MAP4: variants seen among roughly 807,000 people sequenced by gnomAD.
MAP4 encodes microtubule associated protein 4, also known as microtubule-associated protein 4.
A neutral mutation model predicts 170.2 loss-of-function variants in MAP4; 76 were observed. The ratio of observed to expected loss-of-function variants is 0.45; its 90% CI spans 0.37 to 0.54. The LOEUF (loss-of-function observed/expected upper bound fraction) is 0.54. Among genes scored for constraint, MAP4 ranks in the 20% least tolerant of loss-of-function variants. The probability of loss-of-function intolerance (pLI) is 0.00; values close to 1 mark genes in which losing one functional copy is unlikely to be tolerated. For synonymous variants in MAP4, 909 were observed against 994.5 expected, an observed-to-expected ratio of 0.91 and a Z score of 1.62; for missense variants, 2,506 against 2,748.0, an observed-to-expected ratio of 0.91 and a Z score of 1.97.
At chr3:47,891,478 G>A (rs1424238486) in intron 10 of MAP4, 1 of 1,519,198 alleles carries the variant, frequency 6.6e-7, no homozygotes, top group Admixed American at 2.0e-5. Flanking sequence ...TAGGCATTGG[G>A]CTACTAGGGG....
At chr3:47,979,264 A>T (rs959388791) in intron 2 of MAP4, among the ~76,000 whole-genome samples, 1 of 150,860 alleles carries the variant, frequency 6.6e-6, no homozygotes, top group Non-Finnish European at 1.5e-5. Context: ...ATCACCTAAT[A>T]ATTAGGTAAT....
Position 47,917,099 on chromosome 3 carries a change from A to G in MAP4, c.728T>C (p.Met243Thr), listed in dbSNP as rs1400609812. The change falls in exon 7 of 21, where the codon ATG (methionine) becomes ACG (threonine). Residue 243 changes from methionine (M) to threonine (T), a missense_variant. This residue lies in a region of MAP4 where 2,008 missense variants were observed against 2,206.0 expected (regional missense o/e 0.91). Coordinates refer to ENST00000683076, the MANE Select transcript of MAP4 (RefSeq NM_001385682.1). Reference sequence around the variant, plus strand: ...TGCCATGTCAGTAGTCTTCAGTCCCATCATTATTTCCAATGCTTGTGCTGG... The same window carrying G: ...TGCCATGTCAGTAGTCTTCAGTCCCGTCATTATTTCCAATGCTTGTGCTGG... ...RPPAQALEIM[M>T]GLKTTDMAPS... 6.2e-7 allele frequency: 1 copy of G among 1,614,130 alleles called. No homozygotes were observed. The highest frequency in any genetic ancestry group is 8.5e-7 in the Non-Finnish European group (1 of 1,180,000).
intron 1 of MAP4, among the ~76,000 whole-genome samples, chr3:48,062,494 T>TA (rs1156947592): frequency 0.51 from 42,168 of 81,994 alleles, 11,427 homozygotes; most frequent in Non-Finnish European, 0.6. Flanking sequence ...GAATGATCAA[T>TA]AAAAAAAAAA....
At chr3:47,912,882 G>A (rs2100036675) in intron 8 of MAP4, among the ~76,000 whole-genome samples, 1 of 151,984 alleles carries the variant, frequency 6.6e-6, no homozygotes, top group Non-Finnish European at 1.5e-5. Context: ...CTAAGACTAG[G>A]TCACCAATAT....
chr3:47,969,835 G>T (rs577114409), intron 3 of MAP4, among the ~76,000 whole-genome samples: 3 of 151,924 alleles, frequency 2.0e-5, no homozygotes, highest in South Asian at 4.2e-4. Context: ...ACTCCAGCCT[G>T]GGCGACAGAG....
intron 3 of MAP4, chr3:47,973,873 CAAGAG>C (rs2100080313): frequency 8.1e-6 from 8 of 985,020 alleles, no homozygotes; most frequent in Non-Finnish European, 9.6e-6. Context: ...TTCTCTATGG[CAAGAG>C]AGTTTTAATA....
chr3:48,041,371 C>T (rs4858876), intron 1 of MAP4, among the ~76,000 whole-genome samples: 93,948 of 151,774 alleles, frequency 0.62, 29,957 homozygotes, highest in East Asian at 0.72. Context: ...CTTGGCCTCC[C>T]AAAGTGCTGA....
At chr3:47,952,720 C>T (rs2100065242) in intron 3 of MAP4, among the ~76,000 whole-genome samples, 1 of 151,080 alleles carries the variant, frequency 6.6e-6, no homozygotes, top group Admixed American at 6.6e-5. Context: ...ATCAGGAGTT[C>T]GAGACCAGCC....
At chr3:48,078,893 G>C (rs1013789021) in intron 1 of MAP4, among the ~76,000 whole-genome samples, 3 of 152,202 alleles carry the variant, frequency 2.0e-5, no homozygotes, top group African/African-American at 4.8e-5. Context: ...TCCTGGGCTG[G>C]GTGTAGTGGC....
chr3:47,859,859 C>T lies in MAP4; in HGVS notation c.6502-2347G>A, dbSNP rs557324122. Among the ~76,000 whole-genome samples, 7 of 152,282 alleles carry T rather than the reference C, an allele frequency of 4.6e-5. No individual in the cohort carries two copies. The South Asian group carries it at 8.3e-4, about 18-fold the overall frequency. ...ATCTCCAAAATGGAAGTTTAGGATA[C>T]AGCACAGATACCTCCTCCTAAGTAT... On this transcript the variant is annotated intron_variant, in intron 17 of 20. Coordinates refer to ENST00000683076, the MANE Select transcript of MAP4 (RefSeq NM_001385682.1).
At chr3:47,949,130 A>G (rs1158096172) in intron 3 of MAP4, among the ~76,000 whole-genome samples, 2 of 152,162 alleles carry the variant, frequency 1.3e-5, no homozygotes, top group African/African-American at 4.8e-5. Flanking sequence ...TACATATACT[A>G]CGTGCCAGGT....
At chr3:47,930,424 C>T (rs1039772126) in intron 3 of MAP4, among the ~76,000 whole-genome samples, 4 of 150,208 alleles carry the variant, frequency 2.7e-5, no homozygotes, top group Admixed American at 6.6e-5. Context: ...CGCAGTCCGG[C>T]CTGGGCGACA....
chr3:47,992,043 A>T (rs1171055662), intron 2 of MAP4, among the ~76,000 whole-genome samples: 3 of 152,190 alleles, frequency 2.0e-5, no homozygotes, highest in African/African-American at 7.2e-5. Flanking sequence ...TAAGAACAAA[A>T]TCAAACTTAA....
At chr3:47,962,635 A>C (rs886833147) in intron 3 of MAP4, among the ~76,000 whole-genome samples, 3 of 152,200 alleles carry the variant, frequency 2.0e-5, no homozygotes, top group Non-Finnish European at 2.9e-5. Context: ...TGATCCAAAT[A>C]TTGGCCATTA....
intron 1 of MAP4, among the ~76,000 whole-genome samples, chr3:48,043,065 G>A (rs1030938534): frequency 6.6e-6 from 1 of 152,166 alleles, no homozygotes; most frequent in African/African-American, 2.4e-5. Context: ...GCACATGTCT[G>A]TGAATATACC....
At chr3:47,914,701 CAT>C in intron 8 of MAP4, 114 bp downstream of exon 8, 1 of 1,230,200 alleles carries the variant, frequency 8.1e-7, no homozygotes, top group Non-Finnish European at 1.2e-6. Context: ...GAATTGACTT[CAT>C]AAACTATACT....
At chr3:47,973,210 A>T (rs1298669334) in intron 3 of MAP4, 1 of 981,648 alleles carries the variant, frequency 1.0e-6, no homozygotes, top group Non-Finnish European at 1.2e-6. Context: ...ATGAAATTAT[A>T]AAAACATTAT....
intron 3 of MAP4, chr3:47,975,005 A>AC (rs2100081133): frequency 1.0e-6 from 1 of 991,330 alleles, no homozygotes. Context: ...GGTGGCCTCA[A>AC]CCCCTTTATG....
chr3:47,991,334 A>C (rs1418158121), intron 2 of MAP4, among the ~76,000 whole-genome samples: 1 of 152,172 alleles, frequency 6.6e-6, no homozygotes, highest in Non-Finnish European at 1.5e-5. Context: ...ATGGTTGATA[A>C]ACTTCCACTG....
Sources: allele counts gnomAD v4.1 joint callset (sites outside exome capture counted in the v4.1 genomes callset), GRCh38; gene constraint gnomAD v4.1.1; regional missense constraint gnomAD v4.1.1; transcripts MANE v1.5; gene names NCBI Gene and HGNC (gene_info 2026-07-23, HGNC 2026-07-21).